DGKB: variants seen among roughly 807,000 people sequenced by gnomAD.
The protein encoded by DGKB is 90 kDa diacylglycerol kinase.
DGKB carries 67 observed loss-of-function variants against 114.3 expected under a neutral mutation model. That is an observed-to-expected ratio of 0.59 (90% confidence interval 0.48 to 0.72). The LOEUF (loss-of-function observed/expected upper bound fraction) is 0.72. DGKB is among the 30% of genes least tolerant of loss of function. The pLI, the probability that DGKB is intolerant of heterozygous loss-of-function variation, is 0.00. For synonymous variants in DGKB, 398 were observed against 323.1 expected (o/e 1.23, Z -2.49); for missense variants, 907 against 975.2 (o/e 0.93, Z 0.93).
intron 15 of DGKB, among the ~76,000 whole-genome samples, chr7:14,616,653 A>T (rs1260066403): frequency 6.6e-6 from 1 of 151,746 alleles, no homozygotes; most frequent in East Asian, 1.9e-4. Context: ...TCTGAAGTAG[A>T]ACAGCATATA....
rs562347558 is a variant in DGKB, at chr7:14,839,547, G to A, written c.70+1647C>T. 4.0e-5 allele frequency among the ~76,000 whole-genome samples: 6 copies of A among 151,432 alleles called. No individual in the cohort carries two copies. The South Asian group carries it at 1.0e-3, about 26-fold the overall frequency. ...CTGCCAAGTAGCTGGGACTACATGT[G>A]CATGCCAGCCTGCTGGGCTAATTTT... is the stretch of plus-strand genomic sequence containing the variant. On this transcript the variant is annotated intron_variant, in intron 2 of 25. Transcript: ENST00000402815.
At chr7:14,249,907 G>C (rs1288315111) in intron 23 of DGKB, among the ~76,000 whole-genome samples, 1 of 151,470 alleles carries the variant, frequency 6.6e-6, no homozygotes, top group African/African-American at 2.4e-5. Flanking sequence ...TTAGCTTCTT[G>C]AAGTAGAACA....
chr7:14,753,547 A>G (rs1277295301), intron 4 of DGKB, among the ~76,000 whole-genome samples: 1 of 152,202 alleles, frequency 6.6e-6, no homozygotes, highest in Non-Finnish European at 1.5e-5. Context: ...TTATCATTGC[A>G]TTTTAAATGC....
At chr7:14,796,403 C>T (rs1177684033) in intron 2 of DGKB, among the ~76,000 whole-genome samples, 1 of 152,120 alleles carries the variant, frequency 6.6e-6, no homozygotes, top group African/African-American at 2.4e-5. Flanking sequence ...TTGATTGGTG[C>T]CAAAACTGTT....
At chr7:14,942,119 T>TC (rs1785600033) in intron 1 of DGKB, among the ~76,000 whole-genome samples, 1 of 148,332 alleles carries the variant, frequency 6.7e-6, no homozygotes, top group Non-Finnish European at 1.5e-5. Context: ...TAAAAAAACT[T>TC]TTTTTTTTTA....
At chr7:14,273,933 A>T (rs1377096542) in intron 23 of DGKB, among the ~76,000 whole-genome samples, 3 of 152,240 alleles carry the variant, frequency 2.0e-5, no homozygotes, top group Non-Finnish European at 4.4e-5. Context: ...GTTTATTTAC[A>T]AACTTTACTT....
intron 2 of DGKB, among the ~76,000 whole-genome samples, chr7:14,812,299 C>T (rs1439983215): frequency 6.6e-6 from 1 of 151,720 alleles, no homozygotes; most frequent in Non-Finnish European, 1.5e-5. Flanking sequence ...TATTACCTGT[C>T]TTTAGTTTGG....
chr7:14,603,237 C>A (rs935884828), intron 17 of DGKB, among the ~76,000 whole-genome samples: 1 of 152,142 alleles, frequency 6.6e-6, no homozygotes, highest in South Asian at 2.1e-4. Flanking sequence ...TGGGGGAGAG[C>A]TTGCCGAATC....
Position 14,411,208 on chromosome 7 carries a change from G to T in DGKB, c.1836-65817C>A, listed in dbSNP as rs568242606. ...TTCGATGATTTTCCCAACTGTTAAT[G>T]TAAGTGTTCTGAGTGCGTCTAAGTT... On this transcript the variant is annotated intron_variant, in intron 21 of 25. Coordinates refer to ENST00000402815, the MANE Select transcript of DGKB (RefSeq NM_001350709.2). Among the ~76,000 whole-genome samples the T allele has an allele frequency of 4.6e-5, 7 of 152,258 alleles. No homozygotes were observed. The East Asian group carries it at 1.4e-3, about 29-fold the overall frequency.
At chr7:14,152,928 C>T (rs1003089979) in intron 25 of DGKB, among the ~76,000 whole-genome samples, 1 of 152,082 alleles carries the variant, frequency 6.6e-6, no homozygotes. Context: ...CAGGTGCCCC[C>T]TATTTCATCC....
intron 20 of DGKB, among the ~76,000 whole-genome samples, chr7:14,519,842 T>C (rs973811486): frequency 6.6e-6 from 1 of 152,002 alleles, no homozygotes; most frequent in Non-Finnish European, 1.5e-5. Context: ...TTAGCATTTA[T>C]AAAAAATCTT....
At chr7:14,430,748 A>G (rs1254609243) in intron 21 of DGKB, among the ~76,000 whole-genome samples, 1 of 152,194 alleles carries the variant, frequency 6.6e-6, no homozygotes, top group Non-Finnish European at 1.5e-5. Flanking sequence ...TTTATATATA[A>G]CTACTTTCAC....
In DGKB at chr7:14,802,400, C is replaced by T. The variant is rs375901391; in HGVS notation, c.70+38794G>A. 6.6e-5 allele frequency among the ~76,000 whole-genome samples: 10 copies of T among 151,962 alleles called. No homozygotes were observed. The East Asian group carries it at 1.2e-3, about 18-fold the overall frequency. On this transcript the variant is annotated intron_variant, in intron 2 of 25. Coordinates refer to ENST00000402815, the MANE Select transcript of DGKB (RefSeq NM_001350709.2). Reference sequence around the variant, plus strand: ...TGTTATAGCATTTAAATTAGTAGGCCCACTAAAAGCTACTCAGCTTAATAA... The same window carrying T: ...TGTTATAGCATTTAAATTAGTAGGCTCACTAAAAGCTACTCAGCTTAATAA...
intron 2 of DGKB, among the ~76,000 whole-genome samples, chr7:14,815,504 C>T (rs1428336022): frequency 6.6e-6 from 1 of 152,220 alleles, no homozygotes; most frequent in Non-Finnish European, 1.5e-5. Flanking sequence ...TCTGCCCTCT[C>T]TTTTTGCAGC....
intron 23 of DGKB, among the ~76,000 whole-genome samples, chr7:14,297,485 C>A (rs1421844165): frequency 2.0e-5 from 3 of 152,080 alleles, no homozygotes; most frequent in Non-Finnish European, 2.9e-5. Flanking sequence ...GCAGAAAAGG[C>A]CTTCAATAAA....
intron 17 of DGKB, among the ~76,000 whole-genome samples, chr7:14,600,613 A>C (rs560122373): frequency 3.3e-5 from 5 of 152,308 alleles, no homozygotes; most frequent in African/African-American, 1.2e-4. Context: ...TCCAAAGTAC[A>C]ATGGTGTACG....
chr7:14,624,007 C>T (rs1808117320), intron 14 of DGKB, among the ~76,000 whole-genome samples: 1 of 152,038 alleles, frequency 6.6e-6, no homozygotes, highest in Non-Finnish European at 1.5e-5. Context: ...ATTGTCACTA[C>T]ATTAAAGTAT....
At chr7:14,214,496 G>A (rs1788643938) in intron 23 of DGKB, among the ~76,000 whole-genome samples, 1 of 152,080 alleles carries the variant, frequency 6.6e-6, no homozygotes, top group Non-Finnish European at 1.5e-5. Flanking sequence ...GAAAATATAT[G>A]TAAATATTAT....
chr7:14,871,595 C>A (rs1011195417), intron 1 of DGKB, among the ~76,000 whole-genome samples: 1 of 152,070 alleles, frequency 6.6e-6, no homozygotes, highest in Non-Finnish European at 1.5e-5. Context: ...GCTATGATCA[C>A]CTGGAATTTA....
Sources: allele counts gnomAD v4.1 joint callset (sites outside exome capture counted in the v4.1 genomes callset), GRCh38; gene constraint gnomAD v4.1.1; transcripts MANE v1.5; gene names NCBI Gene and HGNC (gene_info 2026-07-23, HGNC 2026-07-21).